FBXL17: variants seen among roughly 807,000 people sequenced by gnomAD.
FBXL17 encodes the protein F-box/LRR-repeat protein 17.
FBXL17 carries 22 observed loss-of-function variants against 66.2 expected under a neutral mutation model. That is an observed-to-expected ratio of 0.33 (90% CI 0.24 to 0.47). FBXL17 has a LOEUF of 0.47. Ranked by LOEUF, FBXL17 falls within the 20% of genes least tolerant of loss-of-function variation. FBXL17 has a pLI of 1.00. For synonymous variants in FBXL17, 474 were observed against 400.5 expected, an observed-to-expected ratio of 1.18 and a Z score of -2.19; for missense variants, 878 against 948.2, an observed-to-expected ratio of 0.93 and a Z score of 0.97.
intron 6 of FBXL17, among the ~76,000 whole-genome samples, chr5:108,131,300 G>T (rs914552588): frequency 1.9e-4 from 29 of 152,142 alleles, no homozygotes; most frequent in Middle Eastern, 3.4e-3. Context: ...TGACTGTTTG[G>T]TAATAATATT....
intron 4 of FBXL17, chr5:108,299,053 T>A (rs1415377034): frequency 1.0e-6 from 1 of 977,382 alleles, no homozygotes; most frequent in East Asian, 1.1e-4. Flanking sequence ...TGAGTACATA[T>A]CTGAACAAAA....
At chr5:108,139,257 A>G (rs1751260917) in intron 6 of FBXL17, among the ~76,000 whole-genome samples, 1 of 152,236 alleles carries the variant, frequency 6.6e-6, no homozygotes, top group African/African-American at 2.4e-5. Context: ...GAAACATTAC[A>G]TAGAAAACAA....
At chr5:108,050,144 C>A (rs1357159648) in intron 6 of FBXL17, among the ~76,000 whole-genome samples, 1 of 152,198 alleles carries the variant, frequency 6.6e-6, no homozygotes, top group African/African-American at 2.4e-5. Context: ...TAATGGGAGG[C>A]TTTAACAACC....
intron 7 of FBXL17, among the ~76,000 whole-genome samples, chr5:107,978,032 C>T (rs761791792): frequency 1.3e-5 from 2 of 152,304 alleles, no homozygotes; most frequent in Non-Finnish European, 2.9e-5. Flanking sequence ...CTTGTTAAAA[C>T]AGATTGCTGG....
chr5:108,247,941 C>A (rs2150109720), intron 4 of FBXL17, among the ~76,000 whole-genome samples: 1 of 152,260 alleles, frequency 6.6e-6, no homozygotes, highest in African/African-American at 2.4e-5. Context: ...CATGAAGACT[C>A]TGACTCTTTG....
intron 4 of FBXL17, among the ~76,000 whole-genome samples, chr5:108,300,523 A>G (rs1022771770): frequency 6.6e-6 from 1 of 151,870 alleles, no homozygotes; most frequent in Non-Finnish European, 1.5e-5. Flanking sequence ...TAATGACTAT[A>G]AAAGATCTTC....
chr5:108,027,971 A>G (rs1156392449), intron 6 of FBXL17, among the ~76,000 whole-genome samples: 6 of 152,068 alleles, frequency 3.9e-5, no homozygotes, highest in Non-Finnish European at 7.3e-5. Flanking sequence ...ATACTGTAAA[A>G]TTTTGATATA....
At chr5:108,021,893 C>T (rs905903494) in intron 6 of FBXL17, among the ~76,000 whole-genome samples, 1 of 151,724 alleles carries the variant, frequency 6.6e-6, no homozygotes, top group African/African-American at 2.4e-5. Context: ...GAGTCATTAA[C>T]CTTTTCTAGG....
intron 7 of FBXL17, among the ~76,000 whole-genome samples, chr5:107,967,255 T>G (rs1752179231): frequency 6.6e-6 from 1 of 151,988 alleles, no homozygotes; most frequent in African/African-American, 2.4e-5. Flanking sequence ...CACTAACTGT[T>G]GGACAGTTGC....
intron 4 of FBXL17, among the ~76,000 whole-genome samples, chr5:108,270,951 T>TC (rs1212399469): frequency 6.6e-6 from 1 of 151,942 alleles, no homozygotes; most frequent in Admixed American, 6.6e-5. Context: ...CATTCATCTC[T>TC]CCCCCTTTCC....
chr5:108,051,161 A>T (rs1019379226), intron 6 of FBXL17, among the ~76,000 whole-genome samples: 7 of 152,212 alleles, frequency 4.6e-5, no homozygotes, highest in Non-Finnish European at 7.3e-5. Context: ...AGAGGTACAA[A>T]GAGGAGCTGG....
At chr5:108,046,529 T>C (rs1742114583) in intron 6 of FBXL17, among the ~76,000 whole-genome samples, 1 of 152,200 alleles carries the variant, frequency 6.6e-6, no homozygotes, top group African/African-American at 2.4e-5. Flanking sequence ...GTCTGTTTTC[T>C]CTTTCCTGCC....
intron 5 of FBXL17, among the ~76,000 whole-genome samples, chr5:108,221,107 C>T (rs966899765): frequency 6.6e-6 from 1 of 152,132 alleles, no homozygotes; most frequent in African/African-American, 2.4e-5. Context: ...GGCTTCTTAT[C>T]CCAATATTGC....
At chr5:108,009,233 A>ACG (rs1554056554) in intron 7 of FBXL17, among the ~76,000 whole-genome samples, 19,817 of 58,354 alleles carry the variant, frequency 0.34, 5,124 homozygotes, top group South Asian at 0.48. Flanking sequence ...ATATATATAT[A>ACG]CAGCTTGGTC....
rs1749978043 is a variant in FBXL17, at chr5:108,381,802, C to T, written c.-111G>A. 4.4e-6 allele frequency: 6 copies of T among 1,352,544 alleles called. No individual in the cohort carries two copies. Among genetic ancestry groups the T allele is most frequent in the Non-Finnish European group, 3.8e-6 (4 of 1,057,092 alleles). 83.8% of individuals were successfully genotyped at this position (1,352,544 alleles called of 1,614,324 possible). A position where few individuals can be genotyped will look rare whatever the true frequency, so the allele number is the denominator to read the frequency against. On this transcript the variant is annotated 5_prime_UTR_variant, in exon 1 of 9. Coordinates refer to ENST00000542267, the MANE Select transcript of FBXL17 (RefSeq NM_001163315.3). ...TGGCTCGGCCCCCGGAGGGGTCGCC[C>T]TTCCTGCGCACACACACGCACACAC...
In FBXL17 at chr5:108,350,349, G is replaced by C. The variant is rs144774455; in HGVS notation, c.1375-1819C>G. Among the ~76,000 whole-genome samples, 4 of 152,228 alleles carry C rather than the reference G, an allele frequency of 2.6e-5. No homozygotes were observed. The East Asian group carries it at 7.7e-4, about 29-fold the overall frequency. ...AGCAAAACGTAGGGTTTTTGGACTG[G>C]GGTATACCACAGATAGCTGAGAACC... On this transcript the variant is annotated intron_variant, in intron 3 of 8. Transcript: ENST00000542267.
At chr5:108,371,698 C>A (rs1749049804) in intron 1 of FBXL17, among the ~76,000 whole-genome samples, 1 of 151,698 alleles carries the variant, frequency 6.6e-6, no homozygotes, top group Admixed American at 6.6e-5. Context: ...AATGTCTCAC[C>A]AAATAGAGAA....
At chr5:108,372,897 G>C (rs1239155541) in intron 1 of FBXL17, among the ~76,000 whole-genome samples, 1 of 151,974 alleles carries the variant, frequency 6.6e-6, no homozygotes, top group Non-Finnish European at 1.5e-5. Context: ...CTGTGTCTTT[G>C]GTTTGCAATG....
At chr5:108,267,529 T>C (rs1423410398) in intron 4 of FBXL17, among the ~76,000 whole-genome samples, 3 of 152,074 alleles carry the variant, frequency 2.0e-5, no homozygotes, top group Non-Finnish European at 4.4e-5. Flanking sequence ...GGTAAAGTTA[T>C]CATCATTAAG....
Sources: allele counts gnomAD v4.1 joint callset (sites outside exome capture counted in the v4.1 genomes callset), GRCh38; gene constraint gnomAD v4.1.1; transcripts MANE v1.5; gene names NCBI Gene and HGNC (gene_info 2026-07-23, HGNC 2026-07-21).